The following SHISAL1 variants were observed in gnomAD, a reference collection of about 807,000 sequenced individuals.
SHISAL1 encodes protein shisa-like-1.
Under a neutral mutation model 22.6 loss-of-function variants are expected in SHISAL1, and 9 were observed. The observed-to-expected ratio is 0.40, with a 90% confidence interval of 0.24 to 0.70. The LOEUF (loss-of-function observed/expected upper bound fraction) is 0.70. Among genes scored for constraint, SHISAL1 ranks in the 30% least tolerant of loss-of-function variants. SHISAL1 has a pLI of 0.39. For synonymous variants in SHISAL1, 119 were observed against 115.4 expected (o/e 1.03, Z -0.20); for missense variants, 246 against 270.6 (o/e 0.91, Z 0.64).
the SHISAL1 span, among the ~76,000 whole-genome samples, chr22:44,329,461 A>ATG: frequency 6.6e-6 from 1 of 151,594 alleles, no homozygotes; most frequent in East Asian, 1.9e-4. Context: ...ACACACACAC[A>ATG]CACGCGCGGC....
At chr22:44,288,201 G>A (rs955257859) in intron 3 of SHISAL1, among the ~76,000 whole-genome samples, 1 of 152,216 alleles carries the variant, frequency 6.6e-6, no homozygotes, top group Non-Finnish European at 1.5e-5. Context: ...AGGCTCGGTG[G>A]AATTAAGAGA....
At chr22:44,295,117 G>A (rs188231198) in intron 3 of SHISAL1, among the ~76,000 whole-genome samples, 1 of 152,222 alleles carries the variant, frequency 6.6e-6, no homozygotes, top group Admixed American at 6.5e-5. Flanking sequence ...GAGCCAGGAG[G>A]AGCCCATTAA....
intron 1 of SHISAL1, among the ~76,000 whole-genome samples, 182 bp from the exon 2 acceptor site, chr22:44,301,159 T>A (rs2055426270): frequency 6.6e-6 from 1 of 152,080 alleles, no homozygotes; most frequent in African/African-American, 2.4e-5. Context: ...TGAATGACCT[T>A]CCCCCACAAG....
intron 4 of SHISAL1, among the ~76,000 whole-genome samples, chr22:44,249,968 A>T (rs1040253052): frequency 2.6e-5 from 4 of 152,240 alleles, no homozygotes; most frequent in Non-Finnish European, 5.9e-5. Flanking sequence ...TTAATTGTGG[A>T]TAACTTACAT....
At chr22:44,269,562 C>T (rs911473203) in intron 4 of SHISAL1, among the ~76,000 whole-genome samples, 7 of 149,598 alleles carry the variant, frequency 4.7e-5, no homozygotes, top group Admixed American at 1.3e-4. Context: ...CAACACTACA[C>T]ACACTACACC....
chr22:44,313,923 C>T (rs2055539995), upstream of SHISAL1, among the ~76,000 whole-genome samples: 1 of 152,174 alleles, frequency 6.6e-6, no homozygotes, highest in Non-Finnish European at 1.5e-5. Context: ...CATCTAACCA[C>T]GGTCCCAACA....
At chr22:44,329,220 G>A in the SHISAL1 span, among the ~76,000 whole-genome samples, 1 of 152,234 alleles carries the variant, frequency 6.6e-6, no homozygotes, top group Non-Finnish European at 1.5e-5. Flanking sequence ...GGCTCGGGGA[G>A]TTGGCTGAAG....
At chr22:44,256,887 A>T (rs529229241) in intron 4 of SHISAL1, among the ~76,000 whole-genome samples, 1 of 152,242 alleles carries the variant, frequency 6.6e-6, no homozygotes, top group Non-Finnish European at 1.5e-5. Context: ...AGGATCTGGG[A>T]AGGTAGAATC....
At chr22:44,313,272 G>A (rs1303115121), upstream of SHISAL1, among the ~76,000 whole-genome samples, 3 of 152,236 alleles carry the variant, frequency 2.0e-5, no homozygotes, top group Admixed American at 6.5e-5. Context: ...GTTCCCTCCC[G>A]TGGCCCTCAG....
chr22:44,302,920 T>C (rs2055442074), intron 1 of SHISAL1, among the ~76,000 whole-genome samples: 1 of 121,114 alleles, frequency 8.3e-6, no homozygotes, highest in South Asian at 2.3e-4. Flanking sequence ...CTGGGGTGGG[T>C]GCAGTGAGGA....
chr22:44,257,933 A>G (rs1240790523), intron 4 of SHISAL1, among the ~76,000 whole-genome samples: 1 of 152,230 alleles, frequency 6.6e-6, no homozygotes, highest in African/African-American at 2.4e-5. Flanking sequence ...CCAGGTCAGG[A>G]GTTCGAAACC....
intron 2 of SHISAL1, among the ~76,000 whole-genome samples, chr22:44,298,790 G>A (rs55923932): frequency 0.015 from 2,229 of 152,294 alleles, 59 homozygotes; most frequent in African/African-American, 0.051. Context: ...CAGGCCCGGC[G>A]AGGTTGGGGG....
intron 4 of SHISAL1, among the ~76,000 whole-genome samples, chr22:44,263,776 C>T (rs1349987918): frequency 1.3e-5 from 2 of 152,184 alleles, no homozygotes; most frequent in East Asian, 3.9e-4. Flanking sequence ...GACTCACCCC[C>T]GTGGCCTCCA....
intron 1 of SHISAL1, among the ~76,000 whole-genome samples, chr22:44,306,255 A>G (rs2055470665): frequency 1.3e-5 from 2 of 151,984 alleles, no homozygotes; most frequent in Non-Finnish European, 2.9e-5. Context: ...AACTGAGCTC[A>G]AGGAGCTCTG....
At chr22:44,271,529 G>T (rs1170323078) in intron 4 of SHISAL1, among the ~76,000 whole-genome samples, 1 of 152,238 alleles carries the variant, frequency 6.6e-6, no homozygotes, top group Non-Finnish European at 1.5e-5. Context: ...AAATGCCCAT[G>T]TTGGGAGACA....
chr22:44,327,392 G>A, the SHISAL1 span, among the ~76,000 whole-genome samples: 1 of 152,294 alleles, frequency 6.6e-6, no homozygotes, highest in Admixed American at 6.5e-5. Flanking sequence ...GGGACGGCCC[G>A]TGACTGGGGA....
At chr22:44,303,868 C>T (rs962202830) in intron 1 of SHISAL1, among the ~76,000 whole-genome samples, 1 of 152,106 alleles carries the variant, frequency 6.6e-6, no homozygotes, top group African/African-American at 2.4e-5. Context: ...CCCTCCCATC[C>T]CCCAGCCCCA....
rs1194569977 is a variant in SHISAL1 at position 44,310,441 on chromosome 22, G to A, written c.-33+2310C>T. ...GGGGCGACCACATAGGCTTTGCAGC[G>A]AGTCTCCTTGGCCTTGGATCAGAGC... On this transcript the variant is annotated intron_variant, in intron 1 of 4. Coordinates refer to ENST00000381176, the MANE Select transcript of SHISAL1 (RefSeq NM_001099294.2). The surrounding 1 kb of genome is among the most constrained non-coding windows in gnomAD (Gnocchi z 4.0). 6.6e-6 allele frequency among the ~76,000 whole-genome samples: 1 copy of A among 152,204 alleles called. No homozygotes were observed. The highest frequency in any genetic ancestry group is 1.5e-5 in the Non-Finnish European group (1 of 68,036).
chr22:44,329,442 C>G, the SHISAL1 span, among the ~76,000 whole-genome samples: 1 of 141,544 alleles, frequency 7.1e-6, no homozygotes, highest in Non-Finnish European at 1.6e-5. Flanking sequence ...GAGAATGGGA[C>G]ACACACACAC....
Sources: allele counts gnomAD v4.1 joint callset (sites outside exome capture counted in the v4.1 genomes callset), GRCh38; gene constraint gnomAD v4.1.1; non-coding constraint Gnocchi (gnomAD v3.1); transcripts MANE v1.5; gene names NCBI Gene and HGNC (gene_info 2026-07-23, HGNC 2026-07-21).